Variants in CYRIB observed in about 807,000 individuals in gnomAD.
The protein encoded by CYRIB is CYFIP-related Rac1 interactor B.
Under a neutral mutation model 44.2 loss-of-function variants are expected in CYRIB, and 8 were observed. The observed-to-expected ratio is 0.18, with a 90% CI of 0.11 to 0.33. The LOEUF (loss-of-function observed/expected upper bound fraction) is 0.33, where lower values mean the gene tolerates loss of function less well. CYRIB is among the 10% of genes least tolerant of loss of function. The probability of loss-of-function intolerance (pLI) is 1.00; values close to 1 mark genes in which losing one functional copy is unlikely to be tolerated. For synonymous variants in CYRIB, 131 were observed against 127.2 expected, an observed-to-expected ratio of 1.03 and a Z score of -0.20; for missense variants, 185 against 382.8, an observed-to-expected ratio of 0.48 and a Z score of 4.31.
intron 1 of CYRIB, among the ~76,000 whole-genome samples, chr8:130,004,243 A>G (rs2096978303): frequency 6.6e-6 from 1 of 152,070 alleles, no homozygotes; most frequent in Admixed American, 6.6e-5. Flanking sequence ...CAAACATACA[A>G]TGGGATTCCT....
At chr8:129,894,945 TA>T (rs1251645472) in intron 2 of CYRIB, among the ~76,000 whole-genome samples, 11 of 149,852 alleles carry the variant, frequency 7.3e-5, no homozygotes, top group Non-Finnish European at 1.5e-4. Flanking sequence ...TTAATTAATT[TA>T]TTTTTTTGAG....
intron 2 of CYRIB, among the ~76,000 whole-genome samples, chr8:129,968,822 T>A (rs1049364983): frequency 6.6e-6 from 1 of 152,144 alleles, no homozygotes; most frequent in Non-Finnish European, 1.5e-5. Flanking sequence ...GAAGTTTTTC[T>A]AGCCCCTTTT....
At chr8:129,975,778 T>C (rs945569909) in intron 1 of CYRIB, among the ~76,000 whole-genome samples, 3 of 152,258 alleles carry the variant, frequency 2.0e-5, no homozygotes, top group Non-Finnish European at 4.4e-5. Flanking sequence ...TGCTTATTGC[T>C]GTATTTTTCC....
At chr8:129,879,285 T>C (rs955792122) in intron 3 of CYRIB, 104 bp downstream of exon 5, 11 of 761,920 alleles carry the variant, frequency 1.4e-5, no homozygotes, top group Non-Finnish European at 2.2e-5. Context: ...AGCTCAGTCA[T>C]GCAAAGCAGT....
intron 1 of CYRIB, among the ~76,000 whole-genome samples, chr8:129,978,437 C>T (rs7823995): frequency 0.5 from 75,786 of 152,034 alleles, 21,383 homozygotes; most frequent in African/African-American, 0.77. Flanking sequence ...AAACCTCCAC[C>T]GTAACAGATT....
At chr8:129,939,705 C>CGGAGCGGG (rs1225413750) in exon 1 of CYRIB, 4 of 152,244 alleles carry the variant, frequency 2.6e-5, no homozygotes, top group African/African-American at 4.8e-5. Flanking sequence ...GCCCCGGGTC[C>CGGAGCGGG]GGAGCGGGGG....
chr8:129,995,650 G>C (rs1202126245), intron 1 of CYRIB, among the ~76,000 whole-genome samples: 2 of 152,230 alleles, frequency 1.3e-5, no homozygotes, highest in Non-Finnish European at 2.9e-5. Context: ...AACTGTCATG[G>C]AGGGTTAGAG....
intron 2 of CYRIB, among the ~76,000 whole-genome samples, chr8:129,951,043 G>A (rs866205945): frequency 7.9e-5 from 12 of 152,172 alleles, no homozygotes; most frequent in African/African-American, 2.9e-4. Context: ...GGTGGCTCAC[G>A]CCTATAATCC....
At chr8:129,847,133 G>A (rs2040499001) in intron 10 of CYRIB, 1 of 319,614 alleles carries the variant, frequency 3.1e-6, no homozygotes, top group Non-Finnish European at 5.7e-6. Context: ...GGTTTGCTAA[G>A]GGAAGACTTC....
intron 1 of CYRIB, among the ~76,000 whole-genome samples, chr8:129,915,163 AT>A (rs2080071467): frequency 6.6e-6 from 1 of 152,350 alleles, no homozygotes; most frequent in East Asian, 1.9e-4. Context: ...AAATGAAAGC[AT>A]TATGTTCATA....
At position 129,842,209 on chromosome 8, in the gene CYRIB, A is replaced by C; in HGVS notation, c.912-4T>G. ...ATTCAAATGTTTTGTTGTGTACCTA[A>C]AAAAAGAAAAGAAAAAAGATCAATT... On this transcript the variant is annotated splice_region_variant and splice_polypyrimidine_tract_variant and intron_variant, in intron 11 of 11. Coordinates refer to ENST00000519824, the Ensembl canonical transcript of CYRIB. 1 of 1,602,750 alleles carries C rather than the reference A, an allele frequency of 6.2e-7. No homozygotes were observed. The highest frequency in any genetic ancestry group is 1.3e-5 in the African/African-American group (1 of 74,754).
chr8:129,845,186 G>A (rs1331924318), intron 11 of CYRIB, among the ~76,000 whole-genome samples: 3 of 152,140 alleles, frequency 2.0e-5, no homozygotes, highest in Admixed American at 6.5e-5. Context: ...AAAGTGAAAC[G>A]TAGATTCTGA....
chr8:129,979,095 C>T (rs540310830), intron 1 of CYRIB, among the ~76,000 whole-genome samples: 3 of 152,000 alleles, frequency 2.0e-5, no homozygotes, highest in South Asian at 4.2e-4. Context: ...GAGCGGAGAT[C>T]GTGACACTGC....
intron 1 of CYRIB, among the ~76,000 whole-genome samples, chr8:129,977,950 C>T (rs185915872): frequency 7.2e-5 from 11 of 152,286 alleles, no homozygotes; most frequent in African/African-American, 1.9e-4. Context: ...GCTCTGTCAC[C>T]TAGGCTGGAG....
At chr8:129,900,860 G>A (rs1478574690) in intron 2 of CYRIB, among the ~76,000 whole-genome samples, 2 of 152,200 alleles carry the variant, frequency 1.3e-5, no homozygotes, top group African/African-American at 4.8e-5. Flanking sequence ...TTTTAGTAGA[G>A]ATGGGATTTC....
chr8:129,993,434 C>A (rs1206387869), intron 1 of CYRIB, among the ~76,000 whole-genome samples: 1 of 151,634 alleles, frequency 6.6e-6, no homozygotes, highest in South Asian at 2.1e-4. Context: ...CAGGGGCTCA[C>A]ACCTGTAATC....
chr8:129,896,607 T>C (rs567661782), intron 2 of CYRIB: 1 of 152,256 alleles, frequency 6.6e-6, no homozygotes, highest in Admixed American at 6.5e-5. Flanking sequence ...TTCTGCTTTT[T>C]GCACAGAGAA....
At chr8:129,918,512 A>G (rs62524565) in intron 1 of CYRIB, among the ~76,000 whole-genome samples, 4,150 of 152,366 alleles carry the variant, frequency 0.027, 85 homozygotes, top group Non-Finnish European at 0.042. Flanking sequence ...TGTCAACACC[A>G]AAGTATTGTT....
chr8:129,956,171 T>C (rs1248303965), intron 2 of CYRIB, among the ~76,000 whole-genome samples: 7 of 152,230 alleles, frequency 4.6e-5, no homozygotes, highest in African/African-American at 1.4e-4. Context: ...TGATTATCTT[T>C]GTAAAACATC....
Sources: gnomAD v4.1 joint callset for allele counts (sites outside exome capture counted in the v4.1 genomes callset) on GRCh38, gnomAD v4.1.1 for gene constraint, MANE v1.5 for transcripts, NCBI Gene and HGNC (gene_info 2026-07-23, HGNC 2026-07-21) for gene names.